Variants in DOCK4 observed in about 807,000 individuals in gnomAD.
The protein encoded by DOCK4 is dedicator of cytokinesis protein 4.
A neutral mutation model predicts 268.1 loss-of-function variants in DOCK4; 97 were observed. The observed-to-expected ratio is 0.36, with a 90% confidence interval of 0.31 to 0.43. DOCK4 has a LOEUF of 0.43. Ranked by LOEUF, DOCK4 falls within the 20% of genes least tolerant of loss-of-function variation. The probability of loss-of-function intolerance (pLI) is 1.00; values close to 1 mark genes in which losing one functional copy is unlikely to be tolerated. For missense variants in DOCK4, 2,145 were observed against 2,455.7 expected (o/e 0.87, Z 2.67); for synonymous variants, 954 against 887.2 (o/e 1.08, Z -1.34).
At chr7:111,961,880 G>GA (rs1463877905) in intron 8 of DOCK4, among the ~76,000 whole-genome samples, 2 of 151,876 alleles carry the variant, frequency 1.3e-5, no homozygotes, top group African/African-American at 4.8e-5. Context: ...AAAGACATTG[G>GA]AAAAAAATGT....
intron 12 of DOCK4, among the ~76,000 whole-genome samples, chr7:111,924,382 G>T (rs1450977014): frequency 2.0e-5 from 3 of 152,124 alleles, no homozygotes; most frequent in Non-Finnish European, 4.4e-5. Context: ...TGATATGCTA[G>T]TAGCCTACCC....
Position 111,983,862 on chromosome 7 carries a change from G to GCGCACACACACA in DOCK4, c.549+443_549+444insTGTGTGTGTGCG. On this transcript the variant is annotated intron_variant, in intron 7 of 52. Coordinates refer to ENST00000428084, the MANE Select transcript of DOCK4 (RefSeq NM_001363540.2). ...CACACACACGCGCGCGCGCGCGCGC[G>GCGCACACACACA]CACACACACACACACACACACACAC... Among the ~76,000 whole-genome samples the GCGCACACACACA allele has an allele frequency of 6.5e-5, 9 of 138,646 alleles. No homozygotes were observed. The South Asian group carries it at 1.9e-3, about 30-fold the overall frequency. 91.0% of individuals were successfully genotyped at this position (138,646 alleles called of 152,430 possible). A position where few individuals can be genotyped will look rare whatever the true frequency, so the allele number is the denominator to read the frequency against.
At chr7:111,741,923 A>AAGATG in intron 45 of DOCK4, 90 bp downstream of exon 45, 3 of 1,473,356 alleles carry the variant, frequency 2.0e-6, no homozygotes, top group Non-Finnish European at 2.7e-6. Context: ...GAAAAACCAC[A>AAGATG]AGATGTCACT....
intron 20 of DOCK4, among the ~76,000 whole-genome samples, chr7:111,871,283 A>G (rs1327477132): frequency 6.6e-6 from 1 of 152,236 alleles, no homozygotes. Context: ...GGTACACTCC[A>G]AGGCTATTTA....
At chr7:111,794,052 A>G (rs1799727885) in intron 30 of DOCK4, among the ~76,000 whole-genome samples, 1 of 152,062 alleles carries the variant, frequency 6.6e-6, no homozygotes. Flanking sequence ...AATAACTGGG[A>G]GAGTGTGGAA....
chr7:111,975,889 C>T (rs921923959), intron 8 of DOCK4, among the ~76,000 whole-genome samples: 13 of 151,526 alleles, frequency 8.6e-5, no homozygotes, highest in African/African-American at 1.9e-4. Flanking sequence ...ATAGGCCAGG[C>T]GCAGTGACTC....
chr7:112,108,234 A>T (rs1042297617), intron 1 of DOCK4, among the ~76,000 whole-genome samples: 1 of 152,196 alleles, frequency 6.6e-6, no homozygotes, highest in Admixed American at 6.5e-5. Context: ...AAAAATAAAT[A>T]CCACTCTCTA....
chr7:111,936,771 A>G (rs1325918191), intron 11 of DOCK4, among the ~76,000 whole-genome samples: 1 of 152,228 alleles, frequency 6.6e-6, no homozygotes, highest in Non-Finnish European at 1.5e-5. Flanking sequence ...TTTCCTAGTG[A>G]TCAAGTCTGA....
chr7:111,979,474 T>A, intron 7 of DOCK4, among the ~76,000 whole-genome samples: 1 of 71,178 alleles, frequency 1.4e-5, no homozygotes, highest in African/African-American at 5.9e-5. Flanking sequence ...CTTTGTGCTT[T>A]AACAATTTTT....
At chr7:111,897,137 TC>T (rs1457026899) in intron 15 of DOCK4, among the ~76,000 whole-genome samples, 1 of 152,010 alleles carries the variant, frequency 6.6e-6, no homozygotes, top group African/African-American at 2.4e-5. Context: ...CTCCCCCTTT[TC>T]CCCCTCCATC....
intron 1 of DOCK4, among the ~76,000 whole-genome samples, chr7:112,089,189 A>G (rs1302017843): frequency 6.6e-6 from 1 of 151,884 alleles, no homozygotes; most frequent in Non-Finnish European, 1.5e-5. Flanking sequence ...TGTGACTTGC[A>G]TTTCATTTTT....
chr7:111,977,172 T>C lies in DOCK4; in HGVS notation c.661A>G (p.Ile221Val). Residue 221 changes from isoleucine (I) to valine (V), a missense_variant, in exon 8 of 53, where the codon ATC becomes GTC. Ile to Val is a conservative substitution (Grantham distance 29). Coordinates refer to ENST00000428084, the MANE Select transcript of DOCK4 (RefSeq NM_001363540.2). ...TCTTTACTGTCAAAGAGTGAGAAGA[T>C]GACCTCCAGCTCCTCTCCCAGGTTG... ...CSNLGEELEV[I>V]FSLFDSKENR... 6.2e-7 allele frequency: 1 copy of C among 1,613,046 alleles called. No individual in the cohort carries two copies. Among genetic ancestry groups the C allele is most frequent in the South Asian group, 1.1e-5 (1 of 90,636 alleles).
intron 31 of DOCK4, among the ~76,000 whole-genome samples, chr7:111,789,411 G>A (rs1799385662): frequency 6.6e-6 from 1 of 152,162 alleles, no homozygotes; most frequent in Non-Finnish European, 1.5e-5. Flanking sequence ...GTCTATCTGA[G>A]GCAGAAGAGA....
chr7:111,750,040 T>C (rs1796530731), intron 42 of DOCK4, among the ~76,000 whole-genome samples: 1 of 152,204 alleles, frequency 6.6e-6, no homozygotes, highest in East Asian at 1.9e-4. Flanking sequence ...CTTTCCTCTA[T>C]CCTTCAGATT....
intron 16 of DOCK4, among the ~76,000 whole-genome samples, chr7:111,894,384 G>GTTCT (rs1410098979): frequency 6.6e-6 from 1 of 152,100 alleles, no homozygotes; most frequent in East Asian, 1.9e-4. Context: ...CATAGCTGTT[G>GTTCT]TTCTCGAGGG....
intron 1 of DOCK4, among the ~76,000 whole-genome samples, chr7:112,204,882 A>AACACACACACAC (rs34706974): frequency 1.8e-3 from 271 of 150,026 alleles, no homozygotes; most frequent in Admixed American, 3.5e-3. Context: ...TCAATTTTAA[A>AACACACACACAC]ACACACACAC....
At chr7:111,744,225 C>T (rs929375070) in intron 44 of DOCK4, among the ~76,000 whole-genome samples, 1 of 152,150 alleles carries the variant, frequency 6.6e-6, no homozygotes, top group Non-Finnish European at 1.5e-5. Context: ...CCCTGAAGGG[C>T]CTGACAGCTG....
At chr7:112,043,524 T>C (rs535844697) in intron 1 of DOCK4, among the ~76,000 whole-genome samples, 2 of 152,124 alleles carry the variant, frequency 1.3e-5, no homozygotes, top group East Asian at 3.9e-4. Flanking sequence ...CATAAAGCTA[T>C]TAATGGAGAG....
At chr7:111,861,762 AAT>A in intron 23 of DOCK4, among the ~76,000 whole-genome samples, 2 of 61,430 alleles carry the variant, frequency 3.3e-5, no homozygotes, top group Admixed American at 1.5e-4. Context: ...AAAAAAAAAT[AAT>A]AATAATAATA....
Sources: allele counts gnomAD v4.1 joint callset (sites outside exome capture counted in the v4.1 genomes callset), GRCh38; gene constraint gnomAD v4.1.1; transcripts MANE v1.5; gene names NCBI Gene and HGNC (gene_info 2026-07-23, HGNC 2026-07-21).